Variants in TENM4 observed in about 807,000 individuals in gnomAD.
The protein encoded by TENM4 is teneurin-4.
TENM4 carries 82 observed loss-of-function variants against 243.3 expected under a neutral mutation model. The observed-to-expected ratio is 0.34, with a 90% confidence interval of 0.28 to 0.40. TENM4 has a LOEUF of 0.40. TENM4 is among the 10% of genes least tolerant of loss of function. The probability of loss-of-function intolerance (pLI) is 1.00; values close to 1 mark genes in which losing one functional copy is unlikely to be tolerated. For missense variants in TENM4, 3,138 were observed against 3,673.3 expected (o/e 0.85, Z 3.77); for synonymous variants, 1,412 against 1,456.3 (o/e 0.97, Z 0.69).
At chr11:79,348,457 A>G (rs370041824) in intron 1 of TENM4, among the ~76,000 whole-genome samples, 4 of 152,214 alleles carry the variant, frequency 2.6e-5, no homozygotes, top group African/African-American at 9.6e-5. Context: ...TTTTGGTTCT[A>G]TCACTTGCTA....
At chr11:79,313,334 T>A (rs1040376675) in intron 1 of TENM4, among the ~76,000 whole-genome samples, 1 of 151,942 alleles carries the variant, frequency 6.6e-6, no homozygotes, top group African/African-American at 2.4e-5. Context: ...CTCATCCAGG[T>A]CTCCCCAACA....
At chr11:79,157,490 C>G (rs566343537) in intron 3 of TENM4, among the ~76,000 whole-genome samples, 1 of 152,140 alleles carries the variant, frequency 6.6e-6, no homozygotes, top group African/African-American at 2.4e-5. Flanking sequence ...GCTCTGTGCT[C>G]TATGTGCTAC....
chr11:78,940,068 A>G (rs954092586), intron 6 of TENM4, among the ~76,000 whole-genome samples: 2 of 152,214 alleles, frequency 1.3e-5, no homozygotes, highest in Non-Finnish European at 2.9e-5. Flanking sequence ...AGTCACAGCT[A>G]CAACAGTAAT....
intron 4 of TENM4, among the ~76,000 whole-genome samples, chr11:79,139,048 T>G (rs1862199296): frequency 6.4e-5 from 2 of 31,198 alleles, no homozygotes; most frequent in East Asian, 1.2e-3. Context: ...TATAAATATA[T>G]AAAATATATA....
chr11:79,251,194 G>A (rs932417547), intron 2 of TENM4, among the ~76,000 whole-genome samples: 1 of 152,174 alleles, frequency 6.6e-6, no homozygotes, highest in Non-Finnish European at 1.5e-5. Context: ...GCCATGTGAG[G>A]CAGAGTTGAA....
In TENM4 at chr11:78,757,165, G is replaced by A. The variant is rs904346980; in HGVS notation, c.2540-144C>T. 9.8e-6 allele frequency: 8 copies of A among 814,766 alleles called. No individual in the cohort carries two copies. In the African/African-American group the frequency reaches 1.4e-4, roughly 14 times the overall value. The allele number at this position is 814,766 out of a possible 1,614,324, so 50.5% of individuals were successfully genotyped here. On this transcript the variant is annotated intron_variant, in intron 18 of 33. Transcript: ENST00000278550. ...TGATATAAGCCAAAGTCTTTGCTGGGCACCAAACAGATGCAAGTGACTCAG... is the reference window on the plus strand; with the variant it reads ...TGATATAAGCCAAAGTCTTTGCTGGACACCAAACAGATGCAAGTGACTCAG...
At chr11:79,316,843 A>G (rs1352603899) in intron 1 of TENM4, among the ~76,000 whole-genome samples, 1 of 152,186 alleles carries the variant, frequency 6.6e-6, no homozygotes, top group East Asian at 1.9e-4. Flanking sequence ...AAAACTCTAC[A>G]GAACTTTGGA....
chr11:79,044,183 A>G (rs773847240), intron 6 of TENM4, among the ~76,000 whole-genome samples: 13 of 152,250 alleles, frequency 8.5e-5, no homozygotes, highest in African/African-American at 1.2e-4. Context: ...TTATCCTTAA[A>G]TCTTTCAACA....
chr11:79,220,238 TA>T (rs1482761211), intron 2 of TENM4, among the ~76,000 whole-genome samples: 1 of 152,232 alleles, frequency 6.6e-6, no homozygotes, highest in Non-Finnish European at 1.5e-5. Flanking sequence ...CGCCTGCTAT[TA>T]AAACTTTGTT....
At chr11:79,255,536 A>G (rs1855687529) in intron 2 of TENM4, among the ~76,000 whole-genome samples, 1 of 152,246 alleles carries the variant, frequency 6.6e-6, no homozygotes, top group Admixed American at 6.5e-5. Context: ...ACTTTATTAG[A>G]TCAAATGTAA....
At chr11:79,192,208 C>A (rs61882116) in intron 3 of TENM4, among the ~76,000 whole-genome samples, 1 of 150,598 alleles carries the variant, frequency 6.6e-6, no homozygotes, top group Non-Finnish European at 1.5e-5. Flanking sequence ...TCTGCCCGGC[C>A]GCCCCTACTG....
chr11:79,430,657 G>A (rs1859148300), intron 1 of TENM4, among the ~76,000 whole-genome samples: 1 of 152,204 alleles, frequency 6.6e-6, no homozygotes, highest in Admixed American at 6.5e-5. Flanking sequence ...CATGAGATAT[G>A]GGGTAGATTC....
At chr11:79,424,143 T>G (rs145989217) in intron 1 of TENM4, among the ~76,000 whole-genome samples, 93 of 152,344 alleles carry the variant, frequency 6.1e-4, no homozygotes, top group African/African-American at 2.1e-3. Context: ...ACGGACAATC[T>G]TGGCAATTCT....
chr11:79,011,776 A>G (rs1179023579), intron 6 of TENM4, among the ~76,000 whole-genome samples: 1 of 152,242 alleles, frequency 6.6e-6, no homozygotes, highest in Admixed American at 6.5e-5. Flanking sequence ...TACAACTGGA[A>G]TCACTAGCAC....
chr11:78,797,660 T>C (rs911028307), intron 15 of TENM4, among the ~76,000 whole-genome samples: 7 of 152,220 alleles, frequency 4.6e-5, no homozygotes, highest in African/African-American at 1.7e-4. Context: ...GACCATCTCA[T>C]TGTGTCTAAA....
intron 6 of TENM4, among the ~76,000 whole-genome samples, chr11:78,979,006 G>A (rs1325336766): frequency 6.6e-6 from 1 of 152,116 alleles, no homozygotes; most frequent in African/African-American, 2.4e-5. Flanking sequence ...TCATGGGATT[G>A]GGGAAATGAC....
intron 6 of TENM4, among the ~76,000 whole-genome samples, chr11:79,035,078 T>C (rs186071271): frequency 4.0e-4 from 61 of 152,282 alleles, no homozygotes; most frequent in Admixed American, 3.8e-3. Flanking sequence ...TAAACCTTAT[T>C]GTTAATCTTC....
At chr11:79,001,340 C>A (rs552462788) in intron 6 of TENM4, among the ~76,000 whole-genome samples, 1 of 151,990 alleles carries the variant, frequency 6.6e-6, no homozygotes, top group African/African-American at 2.4e-5. Flanking sequence ...GGGCTGAAGG[C>A]GGGGGGAAGC....
chr11:79,266,963 G>T (rs560569831), intron 2 of TENM4, among the ~76,000 whole-genome samples: 33 of 152,246 alleles, frequency 2.2e-4, no homozygotes, highest in African/African-American at 7.9e-4. Context: ...ATTCACAAGT[G>T]AGCATTTTGG....
Sources: gnomAD v4.1 joint callset for allele counts (sites outside exome capture counted in the v4.1 genomes callset) on GRCh38, gnomAD v4.1.1 for gene constraint, MANE v1.5 for transcripts, NCBI Gene and HGNC (gene_info 2026-07-23, HGNC 2026-07-21) for gene names.